The following STK39 variants were observed in gnomAD, a reference collection of about 807,000 sequenced individuals.
STK39 encodes serine/threonine kinase 39.
STK39 carries 20 observed loss-of-function variants against 77.8 expected under a neutral mutation model. That is an observed-to-expected ratio of 0.26 (90% CI 0.18 to 0.37). The LOEUF (loss-of-function observed/expected upper bound fraction) is 0.37, where lower values mean the gene tolerates loss of function less well. Ranked by LOEUF, STK39 falls within the 10% of genes least tolerant of loss-of-function variation. STK39 has a pLI of 1.00. For missense variants in STK39, 479 were observed against 656.5 expected (o/e 0.73, Z 2.95); for synonymous variants, 246 against 234.1 (o/e 1.05, Z -0.47).
intron 1 of STK39, among the ~76,000 whole-genome samples, chr2:168,226,384 C>T (rs1690306746): frequency 6.6e-6 from 1 of 152,126 alleles, no homozygotes; most frequent in African/African-American, 2.4e-5. Flanking sequence ...AAGAATGCCC[C>T]ATTATTTGGG....
intron 1 of STK39, among the ~76,000 whole-genome samples, chr2:168,228,024 A>G (rs961599642): frequency 5.3e-5 from 8 of 152,224 alleles, no homozygotes; most frequent in South Asian, 2.1e-4. Context: ...AGTATCTAGA[A>G]GACAAAAGGC....
chr2:167,964,354 T>C (rs1172022302), intron 17 of STK39: 4 of 275,474 alleles, frequency 1.5e-5, no homozygotes, highest in Non-Finnish European at 2.7e-5. Context: ...TGTAATTTTG[T>C]CTTTATGGTC....
chr2:168,185,287 T>A (rs1391597622), intron 1 of STK39, among the ~76,000 whole-genome samples: 1 of 152,244 alleles, frequency 6.6e-6, no homozygotes, highest in African/African-American at 2.4e-5. Context: ...GATTATGGCC[T>A]GTATGCACAT....
At chr2:168,060,626 A>G (rs762034595) in intron 14 of STK39, among the ~76,000 whole-genome samples, 11 of 152,246 alleles carry the variant, frequency 7.2e-5, no homozygotes, top group Admixed American at 2.6e-4. Context: ...TTCACTGAAA[A>G]TAAGTCATAC....
At chr2:168,131,179 T>A (rs1475487262) in intron 8 of STK39, among the ~76,000 whole-genome samples, 2 of 152,232 alleles carry the variant, frequency 1.3e-5, no homozygotes, top group African/African-American at 4.8e-5. Context: ...AAAACATAGA[T>A]ATCACAATTA....
intron 1 of STK39, among the ~76,000 whole-genome samples, chr2:168,186,675 CATAAT>C (rs1285509189): frequency 2.6e-5 from 4 of 152,322 alleles, no homozygotes; most frequent in East Asian, 3.9e-4. Context: ...GGCTTCATAA[CATAAT>C]ATATTTCACA....
chr2:168,049,749 G>C (rs183198619), intron 14 of STK39, among the ~76,000 whole-genome samples: 1 of 152,214 alleles, frequency 6.6e-6, no homozygotes, highest in South Asian at 2.1e-4. Context: ...CACCAGCTGA[G>C]AACTAGCAAT....
intron 1 of STK39, among the ~76,000 whole-genome samples, chr2:168,203,029 G>A (rs1368964834): frequency 1.3e-5 from 2 of 152,078 alleles, no homozygotes; most frequent in African/African-American, 4.8e-5. Flanking sequence ...TTGGCAATAC[G>A]GACATTTTGA....
intron 14 of STK39, among the ~76,000 whole-genome samples, chr2:168,052,087 GT>G (rs1685413424): frequency 6.6e-6 from 1 of 151,918 alleles, no homozygotes; most frequent in South Asian, 2.1e-4. Flanking sequence ...AACGATGAGA[GT>G]TTGTCCTGAG....
chr2:167,981,999 C>T (rs1273615736), intron 16 of STK39, among the ~76,000 whole-genome samples: 1 of 152,156 alleles, frequency 6.6e-6, no homozygotes, highest in Non-Finnish European at 1.5e-5. Context: ...AGAAACTTGA[C>T]ATACTGGCTA....
At position 168,123,864 on chromosome 2, in the gene STK39, T is replaced by C. The variant is rs1183251538; in HGVS notation, c.1089+5677A>G. Among the ~76,000 whole-genome samples, 43 of 124,522 alleles carry C rather than the reference T, an allele frequency of 3.5e-4. No homozygotes were observed. The East Asian group carries it at 8.6e-3, about 25-fold the overall frequency. 81.7% of individuals were successfully genotyped at this position (124,522 alleles called of 152,430 possible). ...ATCCAGCCTGGGCAAAAGAGCGAGA[T>C]TCCATCTCAAAAAAAAAAAAAAAAA... On this transcript the variant is annotated intron_variant, in intron 10 of 17. Coordinates refer to ENST00000355999, the MANE Select transcript of STK39 (RefSeq NM_013233.3).
rs1314422281 is a variant in STK39, at chr2:167,987,754, C to T, written c.1499-23028G>A. ...CCAAATAACCCCATCTATCTGTGGT[C>T]CTTTTAATGAGATTTTAATTTCACT... On this transcript the variant is annotated intron_variant, in intron 16 of 17. Transcript: ENST00000355999. Among the ~76,000 whole-genome samples the T allele has an allele frequency of 2.0e-5, 3 of 152,244 alleles. No homozygotes were observed. In the South Asian group the frequency reaches 6.2e-4, roughly 32 times the overall value.
At chr2:168,022,906 T>G (rs892201336) in intron 14 of STK39, among the ~76,000 whole-genome samples, 2 of 152,090 alleles carry the variant, frequency 1.3e-5, no homozygotes, top group African/African-American at 4.8e-5. Flanking sequence ...AAAACTGAAA[T>G]TCGTTTTTTT....
intron 10 of STK39, among the ~76,000 whole-genome samples, chr2:168,126,225 A>G (rs1687538235): frequency 6.6e-6 from 1 of 152,192 alleles, no homozygotes; most frequent in African/African-American, 2.4e-5. Flanking sequence ...TCAATGGATC[A>G]ACATCAACGA....
At chr2:168,116,317 TA>T (rs1160959283) in intron 10 of STK39, among the ~76,000 whole-genome samples, 1 of 152,210 alleles carries the variant, frequency 6.6e-6, no homozygotes, top group Non-Finnish European at 1.5e-5. Context: ...CTTAATTTTG[TA>T]TATGTCTATA....
chr2:168,065,169 A>T, intron 13 of STK39, 150 bp downstream of exon 13: 1 of 719,638 alleles, frequency 1.4e-6, no homozygotes, highest in Non-Finnish European at 2.3e-6. Context: ...CCCACAAAGC[A>T]CAGTCAATAG....
At chr2:167,994,341 A>C (rs182847947) in intron 16 of STK39, among the ~76,000 whole-genome samples, 15 of 147,710 alleles carry the variant, frequency 1.0e-4, no homozygotes, top group Admixed American at 8.0e-4. Context: ...GTGAAAAAGA[A>C]AAAAAATCAA....
chr2:168,242,318 T>C (rs1480436498), intron 1 of STK39, among the ~76,000 whole-genome samples: 1 of 148,460 alleles, frequency 6.7e-6, no homozygotes, highest in Non-Finnish European at 1.5e-5. Context: ...TCCCAGCAAC[T>C]TGGGAGGCTG....
intron 16 of STK39, among the ~76,000 whole-genome samples, chr2:167,981,127 T>C (rs1683407276): frequency 6.6e-6 from 1 of 152,158 alleles, no homozygotes; most frequent in African/African-American, 2.4e-5. Flanking sequence ...TCACCTTATT[T>C]GTGCCTTAGA....
Sources: gnomAD v4.1 joint callset for allele counts (sites outside exome capture counted in the v4.1 genomes callset) on GRCh38, gnomAD v4.1.1 for gene constraint, MANE v1.5 for transcripts, NCBI Gene and HGNC (gene_info 2026-07-23, HGNC 2026-07-21) for gene names.